LIMCH1: variants seen among roughly 807,000 people sequenced by gnomAD.
LIMCH1 encodes the protein LIM and calponin homology domains 1, also known as LIM and calponin homology domains-containing protein 1.
A neutral mutation model predicts 176.5 loss-of-function variants in LIMCH1; 113 were observed. The observed-to-expected ratio is 0.64, with a 90% CI of 0.55 to 0.75. The LOEUF (loss-of-function observed/expected upper bound fraction) is 0.75. Ranked by LOEUF, LIMCH1 falls within the 30% of genes least tolerant of loss-of-function variation. LIMCH1 has a pLI of 0.00. For synonymous variants in LIMCH1, 619 were observed against 645.9 expected (o/e 0.96, Z 0.63); for missense variants, 1,674 against 1,814.9 (o/e 0.92, Z 1.41).
intron 14 of LIMCH1, among the ~76,000 whole-genome samples, chr4:41,639,751 C>T (rs2093742133): frequency 6.6e-6 from 1 of 152,048 alleles, no homozygotes; most frequent in South Asian, 2.1e-4. Context: ...TTCTCAGATT[C>T]AAGTAATTTG....
intron 1 of LIMCH1, among the ~76,000 whole-genome samples, chr4:41,450,966 A>AAATACTAT (rs1370666232): frequency 6.6e-6 from 1 of 152,154 alleles, no homozygotes; most frequent in African/African-American, 2.4e-5. Flanking sequence ...GTAGAAGCTG[A>AAATACTAT]AATACTATTA....
chr4:41,502,116 G>A (rs1294795457), intron 2 of LIMCH1, among the ~76,000 whole-genome samples: 3 of 140,920 alleles, frequency 2.1e-5, no homozygotes, highest in Non-Finnish European at 3.0e-5. Context: ...TATTGTCCAT[G>A]TGGTCTCATC....
intron 1 of LIMCH1, among the ~76,000 whole-genome samples, chr4:41,490,537 C>G (rs1409657478): frequency 6.6e-6 from 1 of 152,120 alleles, no homozygotes; most frequent in South Asian, 2.1e-4. Context: ...TTGCACTGCC[C>G]TTAAACCATT....
At position 41,439,226 on chromosome 4, in the gene LIMCH1, A is replaced by C. The variant is rs147269360; in HGVS notation, c.97-55310A>C. 3.9e-5 allele frequency among the ~76,000 whole-genome samples: 6 copies of C among 152,322 alleles called. No homozygotes were observed. The East Asian group carries it at 1.2e-3, about 29-fold the overall frequency. On this transcript the variant is annotated intron_variant, in intron 1 of 26. Transcript: ENST00000313860. Reference sequence around the variant, plus strand: ...TGGGGACATAATTGCAGTGTCCACTATAGGAAAAACACCAAGTGATTTCTA... The same window carrying C: ...TGGGGACATAATTGCAGTGTCCACTCTAGGAAAAACACCAAGTGATTTCTA...
At chr4:41,406,788 A>G (rs2059003174) in intron 1 of LIMCH1, among the ~76,000 whole-genome samples, 1 of 152,176 alleles carries the variant, frequency 6.6e-6, no homozygotes, top group East Asian at 1.9e-4. Context: ...TGTGGTAAGA[A>G]TTCTTATTCA....
intron 30 of LIMCH1, 107 bp from the exon 31 acceptor site, chr4:41,692,172 TGTG>T (rs1438480705): frequency 2.3e-5 from 16 of 703,912 alleles, no homozygotes; most frequent in African/African-American, 5.2e-5. Flanking sequence ...GCTCCACAAA[TGTG>T]GTGATTGTAG....
At chr4:41,636,350 T>C (rs1224530215) in intron 13 of LIMCH1, among the ~76,000 whole-genome samples, 1 of 150,222 alleles carries the variant, frequency 6.7e-6, no homozygotes, top group Non-Finnish European at 1.5e-5. Flanking sequence ...CTTTTTTTTT[T>C]TTTTTTTTTT....
intron 19 of LIMCH1, 97 bp downstream of exon 19, chr4:41,661,607 A>G (rs1236392852): frequency 1.2e-6 from 1 of 852,830 alleles, no homozygotes; most frequent in Admixed American, 2.2e-5. Flanking sequence ...GCCACAGGAA[A>G]GTAGTAATTA....
intron 21 of LIMCH1, 69 bp from the exon 22 acceptor site, chr4:41,671,485 T>C: frequency 7.5e-7 from 1 of 1,331,018 alleles, no homozygotes; most frequent in East Asian, 2.4e-5. Context: ...CACTGATAGG[T>C]CAAAAACAAA....
At chr4:41,419,681 C>CT (rs1390681848) in intron 1 of LIMCH1, among the ~76,000 whole-genome samples, 1,352 of 55,724 alleles carry the variant, frequency 0.024, 61 homozygotes, top group African/African-American at 0.056. Context: ...TCCTTCCTTC[C>CT]TCCTTCCTTC....
chr4:41,466,924 C>G (rs2066203697), intron 1 of LIMCH1, among the ~76,000 whole-genome samples: 1 of 152,096 alleles, frequency 6.6e-6, no homozygotes, highest in Non-Finnish European at 1.5e-5. Context: ...GCAGTAACTC[C>G]TCATTCTCTT....
At chr4:41,594,908 G>A (rs1225963531) in intron 1 of LIMCH1, among the ~76,000 whole-genome samples, 1 of 152,146 alleles carries the variant, frequency 6.6e-6, no homozygotes, top group Non-Finnish European at 1.5e-5. Flanking sequence ...CTTTTATTGT[G>A]GTGCCAAATG....
At chr4:41,681,097 A>G (rs1715367915) in intron 25 of LIMCH1, 38 bp downstream of exon 25, 4 of 1,313,300 alleles carry the variant, frequency 3.0e-6, no homozygotes, top group Non-Finnish European at 4.4e-6. Context: ...TGAAATAAAT[A>G]AACCTAAATG....
chr4:41,468,913 T>G (rs2066545771), intron 1 of LIMCH1, among the ~76,000 whole-genome samples: 1 of 152,220 alleles, frequency 6.6e-6, no homozygotes, highest in African/African-American at 2.4e-5. Context: ...GTTGAAAAAC[T>G]GTCACCTTAC....
At chr4:41,363,659 C>T (rs769010700) in intron 1 of LIMCH1, among the ~76,000 whole-genome samples, 2 of 152,072 alleles carry the variant, frequency 1.3e-5, no homozygotes, top group Non-Finnish European at 2.9e-5. Context: ...ATTTGAGGAC[C>T]GTGTTACTGG....
chr4:41,465,487 A>G (rs1458563341), intron 1 of LIMCH1, among the ~76,000 whole-genome samples: 1 of 152,138 alleles, frequency 6.6e-6, no homozygotes, highest in Non-Finnish European at 1.5e-5. Flanking sequence ...TCCAGTGTGG[A>G]TCACAATTCC....
rs776698811 is a variant in LIMCH1 at position 41,697,204 on chromosome 4, G to C, written c.*19G>C. The C allele has an allele frequency of 1.2e-6, 2 of 1,612,674 alleles. No homozygotes were observed. The highest frequency in any genetic ancestry group is 1.7e-6 in the Non-Finnish European group (2 of 1,178,868). On this transcript the variant is annotated 3_prime_UTR_variant, in exon 32 of 32. Transcript: ENST00000503057. ...ATTGTGACACGGCTTTCAAGCTTCC[G>C]GATCACTCACCATTTCTTTACTGAG... is the stretch of plus-strand genomic sequence containing the variant.
At chr4:41,610,359 C>T (rs1258527259) in intron 4 of LIMCH1, among the ~76,000 whole-genome samples, 2 of 152,142 alleles carry the variant, frequency 1.3e-5, no homozygotes, top group African/African-American at 4.8e-5. Context: ...GGTCCGCCTC[C>T]CTGAGTGTCT....
chr4:41,675,827 A>G (rs1291169120), intron 22 of LIMCH1, among the ~76,000 whole-genome samples: 1 of 152,210 alleles, frequency 6.6e-6, no homozygotes, highest in Non-Finnish European at 1.5e-5. Flanking sequence ...TGTTTGTGTC[A>G]TGCGGGCCCC....
Sources: allele counts gnomAD v4.1 joint callset (sites outside exome capture counted in the v4.1 genomes callset), GRCh38; gene constraint gnomAD v4.1.1; transcripts MANE v1.5; gene names NCBI Gene and HGNC (gene_info 2026-07-23, HGNC 2026-07-21).